NECAB2: variants seen among roughly 807,000 people sequenced by gnomAD.
The protein encoded by NECAB2 is N-terminal EF-hand calcium binding protein 2, also known as N-terminal EF-hand calcium-binding protein 2.
A neutral mutation model predicts 51.9 loss-of-function variants in NECAB2; 68 were observed. The ratio of observed to expected loss-of-function variants is 1.31; its 90% CI spans 1.08 to 1.60. The LOEUF (loss-of-function observed/expected upper bound fraction) is 1.60. Among genes scored for constraint, NECAB2 ranks in the 40% most tolerant of loss-of-function variants. The pLI is 0.00. For synonymous variants in NECAB2, 329 were observed against 203.5 expected, an observed-to-expected ratio of 1.62 and a Z score of -5.25; for missense variants, 854 against 490.3, an observed-to-expected ratio of 1.74 and a Z score of -7.00.
At position 83,997,376 on chromosome 16, in the gene NECAB2, C is replaced by G. The variant is rs1185120662; in HGVS notation, c.849+107C>G. 3.5e-6 allele frequency: 5 copies of G among 1,410,468 alleles called. No homozygotes were observed. The Admixed American group carries it at 5.5e-5, about 16-fold the overall frequency. 87.4% of individuals were successfully genotyped at this position (1,410,468 alleles called of 1,614,324 possible). A position where few individuals can be genotyped will look rare whatever the true frequency, so the allele number is the denominator to read the frequency against. ...CTGACCCCGCTCTCCCTGCTTGGGACCACCAGGAGGGGAGATGTCGCCCAG... is the reference window on the plus strand; with the variant it reads ...CTGACCCCGCTCTCCCTGCTTGGGAGCACCAGGAGGGGAGATGTCGCCCAG... On this transcript the variant is annotated intron_variant, in intron 9 of 12. Transcript: ENST00000305202.
At chr16:83,988,853 C>T (rs1003403152) in intron 5 of NECAB2, among the ~76,000 whole-genome samples, 2 of 152,122 alleles carry the variant, frequency 1.3e-5, no homozygotes, top group Non-Finnish European at 2.9e-5. Context: ...ATGTAATATA[C>T]CCATGTAACA....
rs923986592 is a variant in NECAB2, at chr16:83,990,613, A to T, written c.579A>T (p.Glu193Asp). 3 of 1,613,932 alleles carry T rather than the reference A, an allele frequency of 1.9e-6. No homozygotes were observed. The highest frequency in any genetic ancestry group is 2.5e-6 in the Non-Finnish European group (3 of 1,180,020). ...AGAGTGCGGTGGAGGCCATCGAGGA[A>T]CAGACCAGCCAGCTCCGGTGAGTCT... ...SVESAVEAIE[E>D]QTSQLRQNHI... The change falls in exon 6 of 13, where the codon GAA becomes GAT. Residue 193 changes from glutamate (E) to aspartate (D), a missense_variant. Coordinates refer to ENST00000305202, the MANE Select transcript of NECAB2 (RefSeq NM_019065.3).
intron 5 of NECAB2, among the ~76,000 whole-genome samples, chr16:83,982,209 G>A (rs9931134): frequency 6.6e-6 from 1 of 151,080 alleles, no homozygotes; most frequent in African/African-American, 2.5e-5. Flanking sequence ...ATGCTTCTCA[G>A]TTAGTGACCG....
intron 6 of NECAB2, chr16:83,993,644 G>A (rs202089266): frequency 5.6e-5 from 9 of 160,106 alleles, no homozygotes; most frequent in Non-Finnish European, 2.7e-5. Context: ...GTGTGTGTGT[G>A]TGTGTGTGTG....
intron 11 of NECAB2, 27 bp downstream of exon 11, chr16:84,000,828 TGAGGGAGA>T: frequency 1.9e-6 from 3 of 1,603,688 alleles, no homozygotes; most frequent in East Asian, 2.2e-5. Flanking sequence ...CCACAGCAGG[TGAGGGAGA>T]CAGAGGGAAG....
chr16:84,002,535 G>GT lies in NECAB2; in HGVS notation c.*190dup. On this transcript the variant is annotated 3_prime_UTR_variant, in exon 13 of 13. Transcript: ENST00000305202. ...CACCTGAGAAGGCAGAGCAGTGTCT[G>GT]TGCTGCCAGGTCCTGGTGAAGCCCA... The GT allele has an allele frequency of 1.4e-6, 1 of 717,686 alleles. No homozygotes were observed. The highest frequency in any genetic ancestry group is 2.3e-6 in the Non-Finnish European group (1 of 431,840). 44.5% of individuals were successfully genotyped at this position (717,686 alleles called of 1,614,324 possible).
intron 1 of NECAB2, 189 bp from the exon 2 acceptor site, chr16:83,971,958 CTCTG>C (rs2084352495): frequency 2.9e-6 from 2 of 698,476 alleles, no homozygotes; most frequent in African/African-American, 3.6e-5. Context: ...AGGGGAGGGC[CTCTG>C]TCTGCAACAT....
rs139083239 is a variant in NECAB2, at chr16:83,998,303, G to T, written c.948G>T (p.Val316=). Reference sequence around the variant, plus strand: ...AGTATCTGCGGGGGACCACTGGCGTGAGGAACTGCTTCCAGTGAGTGAGCT... The same window carrying T: ...AGTATCTGCGGGGGACCACTGGCGTTAGGAACTGCTTCCAGTGAGTGAGCT... ...LRQYLRGTTG[V]RNCFHITAVR... is the part of the protein sequence containing the mutation. The change falls in exon 10 of 13, where the codon GTG becomes GTT. Residue 316 remains valine (V), a synonymous_variant. Transcript: ENST00000305202. 2.5e-6 allele frequency: 4 copies of T among 1,613,530 alleles called. No homozygotes were observed. Among genetic ancestry groups the T allele is most frequent in the Non-Finnish European group, 3.4e-6 (4 of 1,179,988 alleles).
At position 83,994,327 on chromosome 16, in the gene NECAB2, A is replaced by T; in HGVS notation, c.622A>T (p.Ser208Cys). Residue 208 changes from serine (S) to cysteine (C), a missense_variant, in exon 7 of 13, where the codon AGC becomes TGC. Physicochemically the swap from Ser to Cys is moderately radical, Grantham distance 112. Transcript: ENST00000305202. ...LRQNHIKPSHSAAQTWCGSPT... is the reference protein window; with the variant it reads ...LRQNHIKPSHCAAQTWCGSPT... ...ACAGAACCACATCAAACCCAGCCACAGCGCGGCACAGACCTGGTGTGGAAG... is the reference window on the plus strand; with the variant it reads ...ACAGAACCACATCAAACCCAGCCACTGCGCGGCACAGACCTGGTGTGGAAG... 1 of 1,614,202 alleles carries T rather than the reference A, an allele frequency of 6.2e-7. No individual in the cohort carries two copies. Among genetic ancestry groups the T allele is most frequent in the African/African-American group, 1.3e-5 (1 of 75,042 alleles).
chr16:83,970,670 C>T (rs1472655092), intron 1 of NECAB2, among the ~76,000 whole-genome samples: 1 of 151,994 alleles, frequency 6.6e-6, no homozygotes, highest in Non-Finnish European at 1.5e-5. Context: ...GCCCCAGCAG[C>T]CCTCCCTGGT....
At chr16:84,001,720 T>TATTG in intron 11 of NECAB2, 105 bp from the exon 12 acceptor site, 1 of 1,241,272 alleles carries the variant, frequency 8.1e-7, no homozygotes, top group Non-Finnish European at 1.2e-6. Context: ...CCCCCGTGCT[T>TATTG]ATTGATAAGC....
At position 84,002,433 on chromosome 16, in the gene NECAB2, G is replaced by A. The variant is rs2151105612; in HGVS notation, c.*87G>A. On this transcript the variant is annotated 3_prime_UTR_variant, in exon 13 of 13. Transcript: ENST00000305202. ...TTTTTTTCTAGACAGACACTTTGGT[G>A]CAGAAGCTTCTTTTCAATCCATCCT... 6 of 1,499,332 alleles carry A rather than the reference G, an allele frequency of 4.0e-6. No homozygotes were observed. In the East Asian group the frequency reaches 9.0e-5, roughly 23 times the overall value. 92.9% of individuals were successfully genotyped at this position (1,499,332 alleles called of 1,614,324 possible).
chr16:83,974,551 C>G (rs1007608506), intron 2 of NECAB2, among the ~76,000 whole-genome samples: 5 of 152,164 alleles, frequency 3.3e-5, no homozygotes, highest in African/African-American at 1.2e-4. Context: ...TGCACCAGGA[C>G]TTGAATGTGC....
intron 5 of NECAB2, among the ~76,000 whole-genome samples, chr16:83,987,264 G>A (rs144728733): frequency 7.9e-5 from 12 of 152,200 alleles, no homozygotes; most frequent in East Asian, 3.9e-4. Flanking sequence ...TGCCCTTTGC[G>A]TCCTTATTTA....
At chr16:83,997,801 C>T (rs560078962) in intron 9 of NECAB2, among the ~76,000 whole-genome samples, 3 of 152,190 alleles carry the variant, frequency 2.0e-5, no homozygotes, top group African/African-American at 7.2e-5. Context: ...CCCAGAGGCT[C>T]CTGGACTTTG....
intron 11 of NECAB2, 42 bp downstream of exon 11, chr16:84,000,843 G>T: frequency 1.4e-6 from 2 of 1,388,358 alleles, no homozygotes; most frequent in Non-Finnish European, 2.0e-6. Flanking sequence ...GAGACAGAGG[G>T]AAGTGGGGGG....
At chr16:83,972,100 A>G (rs760289665) in intron 1 of NECAB2, 51 bp from the exon 2 acceptor site, 7 of 1,610,772 alleles carry the variant, frequency 4.3e-6, no homozygotes, top group South Asian at 1.1e-5. Context: ...GGCTGCAGGA[A>G]GCGCTTGCCT....
intron 10 of NECAB2, among the ~76,000 whole-genome samples, chr16:83,998,518 C>T (rs1268084602): frequency 6.6e-6 from 1 of 152,130 alleles, no homozygotes; most frequent in African/African-American, 2.4e-5. Context: ...TCTTCATCTC[C>T]CTGGCATCAG....
Position 83,997,734 on chromosome 16 carries a change from C to G in NECAB2, c.849+465C>G, listed in dbSNP as rs561660272. The stretch of plus-strand genomic sequence containing the variant: ...GGTCTCAAACTCCTATCCTCATGAT[C>G]TGCCCACCTTGGCCTCCTAAAGTGC... On this transcript the variant is annotated intron_variant, in intron 9 of 12. Coordinates refer to ENST00000305202, the MANE Select transcript of NECAB2 (RefSeq NM_019065.3). 3.3e-5 allele frequency among the ~76,000 whole-genome samples: 5 copies of G among 152,136 alleles called. No individual in the cohort carries two copies. In the South Asian group the frequency reaches 8.3e-4, roughly 25 times the overall value.
Sources: gnomAD v4.1 joint callset for allele counts (sites outside exome capture counted in the v4.1 genomes callset) on GRCh38, gnomAD v4.1.1 for gene constraint, MANE v1.5 for transcripts, NCBI Gene and HGNC (gene_info 2026-07-23, HGNC 2026-07-21) for gene names.